LRRC27: variants seen among roughly 807,000 people sequenced by gnomAD.
LRRC27 encodes leucine rich repeat containing 27.
A neutral mutation model predicts 55.0 loss-of-function variants in LRRC27; 57 were observed. The observed-to-expected ratio is 1.04, with a 90% CI of 0.84 to 1.29. The LOEUF is 1.29. LRRC27 is among the 50% of genes most tolerant of loss of function. The probability of loss-of-function intolerance (pLI) is 0.00; values close to 1 mark genes in which losing one functional copy is unlikely to be tolerated. For missense variants in LRRC27, 721 were observed against 651.5 expected (o/e 1.11, Z -1.16); for synonymous variants, 278 against 251.9 (o/e 1.10, Z -0.98).
At chr10:132,354,685 G>A (rs1047265118) in intron 7 of LRRC27, among the ~76,000 whole-genome samples, 2 of 152,240 alleles carry the variant, frequency 1.3e-5, no homozygotes, top group Admixed American at 6.5e-5. Context: ...GCCGTGGGCC[G>A]GGTAGAGCCC....
At chr10:132,333,969 C>T (rs2066984255) in intron 2 of LRRC27, among the ~76,000 whole-genome samples, 1 of 152,246 alleles carries the variant, frequency 6.6e-6, no homozygotes, top group Admixed American at 6.5e-5. Flanking sequence ...GGTGTCTGTT[C>T]TCTTCCTTGC....
Position 132,344,629 on chromosome 10 carries a change from C to G in LRRC27, c.532C>G (p.Pro178Ala). Residue 178 changes from proline (P) to alanine (A), a missense_variant, in exon 5 of 11, where the codon CCC becomes GCC. By Grantham distance (27) the Pro-to-Ala change is conservative. Coordinates refer to ENST00000368614, the MANE Select transcript of LRRC27 (RefSeq NM_030626.3). ...LRMWAVEHSL[P>A]RNPTSQEAPP... Reference sequence around the variant, plus strand: ...GATGTGGGCAGTAGAACACTCTCTCCCCAGAAATCCAACTTCTCAAGGTTT... The same window carrying G: ...GATGTGGGCAGTAGAACACTCTCTCGCCAGAAATCCAACTTCTCAAGGTTT... 6.2e-7 allele frequency: 1 copy of G among 1,613,920 alleles called. No homozygotes were observed. Among genetic ancestry groups the G allele is most frequent in the Non-Finnish European group, 8.5e-7 (1 of 1,179,834 alleles).
rs901633095 is a variant in LRRC27, at chr10:132,376,296, C to T, written c.*1054C>T. The T allele has an allele frequency of 6.6e-5, 10 of 152,252 alleles. No individual in the cohort carries two copies. The highest frequency in any genetic ancestry group is 1.5e-4 in the Non-Finnish European group (10 of 68,038). The allele number at this position is 152,252 out of a possible 1,614,324, so 9.4% of individuals were successfully genotyped here. A position where few individuals can be genotyped will look rare whatever the true frequency, so the allele number is the denominator to read the frequency against. On this transcript the variant is annotated 3_prime_UTR_variant, in exon 11 of 11. Transcript: ENST00000368614. ...GTCTTCTGTCTCATGGGTCTCTGCG[C>T]CCTGCACTTCGTACTTTCCGAGAGT...
intron 10 of LRRC27, among the ~76,000 whole-genome samples, chr10:132,369,125 A>G (rs1490868218): frequency 6.6e-6 from 1 of 152,194 alleles, no homozygotes; most frequent in African/African-American, 2.4e-5. Flanking sequence ...TCACCACCAA[A>G]TGCTGGTGAG....
chr10:132,339,300 GTT>G (rs2067284628), intron 3 of LRRC27, among the ~76,000 whole-genome samples: 1 of 152,244 alleles, frequency 6.6e-6, no homozygotes, highest in Non-Finnish European at 1.5e-5. Context: ...GAACTCACTG[GTT>G]TTAAAAATGT....
At chr10:132,352,002 C>T (rs1009602941) in intron 7 of LRRC27, among the ~76,000 whole-genome samples, 4 of 147,424 alleles carry the variant, frequency 2.7e-5, no homozygotes, top group African/African-American at 7.5e-5. Flanking sequence ...GCAGGTGCAG[C>T]GCTCCGTGTG....
intron 3 of LRRC27, among the ~76,000 whole-genome samples, chr10:132,340,549 GTT>G (rs1006591791): frequency 6.6e-6 from 1 of 152,128 alleles, no homozygotes; most frequent in African/African-American, 2.4e-5. Context: ...TTGTTGGCTG[GTT>G]TTATACTAGC....
Position 132,376,634 on chromosome 10 carries a change from A to C in LRRC27, c.*1392A>C, listed in dbSNP as rs1168883485. ...CAAGGTGCTCACCTGGTTGTTGATC[A>C]GAGAGCGTGTCCGTTGTGATCCCAG... On this transcript the variant is annotated 3_prime_UTR_variant, in exon 11 of 11. Transcript: ENST00000368614. 1 of 152,354 alleles carries C rather than the reference A, an allele frequency of 6.6e-6. No individual in the cohort carries two copies. Among genetic ancestry groups the C allele is most frequent in the African/African-American group, 2.4e-5 (1 of 41,488 alleles). 9.4% of individuals were successfully genotyped at this position (152,354 alleles called of 1,614,324 possible).
At chr10:132,340,809 A>C (rs2067375391) in intron 3 of LRRC27, among the ~76,000 whole-genome samples, 1 of 151,802 alleles carries the variant, frequency 6.6e-6, no homozygotes, top group Non-Finnish European at 1.5e-5. Context: ...ACTAAAAAAA[A>C]AAAGTACAAA....
Position 132,372,122 on chromosome 10 carries a change from G to A in LRRC27, c.1417-2944G>A, listed in dbSNP as rs1454665523. 1.3e-5 allele frequency among the ~76,000 whole-genome samples: 2 copies of A among 151,772 alleles called. No homozygotes were observed. The highest frequency in any genetic ancestry group is 1.5e-5 in the Non-Finnish European group (1 of 68,002). On this transcript the variant is annotated intron_variant, in intron 10 of 10. Coordinates refer to ENST00000368614, the MANE Select transcript of LRRC27 (RefSeq NM_030626.3). This position sits in a 1 kb window ranked among gnomAD's most constrained non-coding sequence, Gnocchi z 4.0. ...AAGAAGGATGGGAAGTGGGGGTCGG[G>A]GTGCGGTGGCTCACGCCTGCAATCC...
upstream of LRRC27, among the ~76,000 whole-genome samples, chr10:132,331,055 G>A (rs946974900): frequency 6.6e-6 from 1 of 151,294 alleles, no homozygotes; most frequent in African/African-American, 2.4e-5. Context: ...ACAAAAATTA[G>A]CTGGACGTGG....
chr10:132,362,569 G>T (rs1405959979), intron 9 of LRRC27, among the ~76,000 whole-genome samples: 2 of 152,148 alleles, frequency 1.3e-5, no homozygotes, highest in Non-Finnish European at 1.5e-5. Flanking sequence ...GAGGGGAGGG[G>T]CTTCACTGGA....
chr10:132,343,535 A>C (rs2474334), intron 4 of LRRC27, among the ~76,000 whole-genome samples: 45,342 of 152,130 alleles, frequency 0.3, 7,004 homozygotes, highest in East Asian at 0.35. Flanking sequence ...AAGATAATAC[A>C]GAGTCACTTG....
rs2066942912 is a variant in LRRC27 at position 132,333,567 on chromosome 10, G to T, written c.43G>T (p.Ala15Ser). The change falls in exon 2 of 11, where the codon GCT becomes TCT. Residue 15 changes from alanine to serine, a missense_variant. Physicochemically the swap from Ala to Ser is moderately conservative, Grantham distance 99. Coordinates refer to ENST00000368614, the MANE Select transcript of LRRC27 (RefSeq NM_030626.3). ...CTACGAAGTTCCCTCTGTGGCTGCT[G>T]CTGATCTGGAGGAGGGTGCTGGTCA... ...SSYEVPSVAA[A>S]DLEEGAGQTR... The T allele has an allele frequency of 1.2e-6, 2 of 1,610,938 alleles. No individual in the cohort carries two copies. The highest frequency in any genetic ancestry group is 2.2e-5 in the South Asian group (2 of 90,836).
At chr10:132,343,622 A>G (rs1270972533) in intron 4 of LRRC27, among the ~76,000 whole-genome samples, 1 of 152,252 alleles carries the variant, frequency 6.6e-6, no homozygotes, top group East Asian at 1.9e-4. Context: ...CAACTGGACC[A>G]GTGAGCTCAG....
chr10:132,353,100 A>G, intron 7 of LRRC27: 1 of 1,499,106 alleles, frequency 6.7e-7, no homozygotes, highest in Admixed American at 2.1e-5. Context: ...CATGGACCAC[A>G]GCCACAGCAC....
intron 5 of LRRC27, 65 bp downstream of exon 5, chr10:132,344,715 G>A: frequency 6.4e-7 from 1 of 1,561,870 alleles, no homozygotes. Context: ...TAAAATCAGG[G>A]CAGAACCTGT....
chr10:132,349,500 T>C (rs1241475303), intron 6 of LRRC27, among the ~76,000 whole-genome samples: 1 of 152,178 alleles, frequency 6.6e-6, no homozygotes, highest in Non-Finnish European at 1.5e-5. Flanking sequence ...AGCACGCTTG[T>C]GGTGTTCTTA....
chr10:132,342,228 G>A lies in LRRC27; in HGVS notation c.357G>A (p.Leu119=). The A allele has an allele frequency of 6.4e-7, 1 of 1,553,110 alleles. No individual in the cohort carries two copies. Among genetic ancestry groups the A allele is most frequent in the Non-Finnish European group, 8.7e-7 (1 of 1,148,114 alleles). The part of the protein sequence containing the change: ...GIGAHQHLKT[L]LLERNPIKML... ...TGCTTTAAAGGCATTTGAAAACTTTGCTTTTAGAAAGAAATCCTATCAAAA... is the reference window on the plus strand; with the variant it reads ...TGCTTTAAAGGCATTTGAAAACTTTACTTTTAGAAAGAAATCCTATCAAAA... Residue 119 remains leucine (L), a synonymous_variant, in exon 4 of 11, where the codon TTG becomes TTA. Transcript: ENST00000368614.
Sources: allele counts gnomAD v4.1 joint callset (sites outside exome capture counted in the v4.1 genomes callset), GRCh38; gene constraint gnomAD v4.1.1; non-coding constraint Gnocchi (gnomAD v3.1); transcripts MANE v1.5; gene names NCBI Gene and HGNC (gene_info 2026-07-23, HGNC 2026-07-21).